GAS2L2: variants seen among roughly 807,000 people sequenced by gnomAD.
The protein encoded by GAS2L2 is GAS2-like protein 2.
Under a neutral mutation model 35.2 loss-of-function variants are expected in GAS2L2, and 21 were observed. The observed-to-expected ratio is 0.60, with a 90% CI of 0.42 to 0.86. The LOEUF is 0.86. Among genes scored for constraint, GAS2L2 ranks in the 40% least tolerant of loss-of-function variants. GAS2L2 has a pLI of 0.00. For missense variants in GAS2L2, 1,169 were observed against 1,144.4 expected, an observed-to-expected ratio of 1.02 and a Z score of -0.31; for synonymous variants, 490 against 473.2, an observed-to-expected ratio of 1.04 and a Z score of -0.46.
At position 35,752,954 on chromosome 17, in the gene GAS2L2, G is replaced by A; in HGVS notation, c.-104C>T. On this transcript the variant is annotated 5_prime_UTR_variant, in exon 1 of 6. Coordinates refer to ENST00000604641, the MANE Select transcript of GAS2L2 (RefSeq NM_139285.4). Reference sequence around the variant, plus strand: ...TCGGCTGGGTTCTTCCTGATTCTGAGGTTCCCGTGTACTCGCTGAGAGCCC... The same window carrying A: ...TCGGCTGGGTTCTTCCTGATTCTGAAGTTCCCGTGTACTCGCTGAGAGCCC... 7.8e-7 allele frequency: 1 copy of A among 1,288,130 alleles called. No individual in the cohort carries two copies. Among genetic ancestry groups the A allele is most frequent in the Non-Finnish European group, 1.0e-6 (1 of 955,144 alleles). 79.8% of individuals were successfully genotyped at this position (1,288,130 alleles called of 1,614,324 possible). A position where few individuals can be genotyped will look rare whatever the true frequency, so the allele number is the denominator to read the frequency against.
chr17:35,748,240 A>T (rs1458949625), intron 3 of GAS2L2, among the ~76,000 whole-genome samples: 1 of 152,172 alleles, frequency 6.6e-6, no homozygotes, highest in East Asian at 1.9e-4. Context: ...GCATCTGTAC[A>T]TGCCTGTACC....
chr17:35,748,134 C>A (rs1196531360), intron 3 of GAS2L2, among the ~76,000 whole-genome samples, 189 bp from the exon 4 acceptor site: 1 of 152,208 alleles, frequency 6.6e-6, no homozygotes, highest in African/African-American at 2.4e-5. Flanking sequence ...ATAACACATG[C>A]GGTCAAGGTG....
At position 35,747,070 on chromosome 17, in the gene GAS2L2, C is replaced by T. The variant is rs150792519; in HGVS notation, c.1031G>A (p.Arg344His). Residue 344 changes from arginine to histidine, a missense_variant, in exon 5 of 6, where the codon CGC becomes CAC. Arg to His is a conservative substitution (Grantham distance 29). Around this residue, in one of 3 missense-constraint regions of GAS2L2, gnomAD observed 1,035 missense variants for 976.5 expected, o/e 1.06. Coordinates refer to ENST00000604641, the MANE Select transcript of GAS2L2 (RefSeq NM_139285.4). ...CCCCGTCCCTGCTCCCCGTTCCCTG[C>T]GGGGTCTGGGGGAGGATGGGGTGGG... Reference protein sequence around the residue: ...RPPTPSSPRPRRERGAGTGAS... With the variant: ...RPPTPSSPRPHRERGAGTGAS... The T allele has an allele frequency of 2.7e-4, 437 of 1,609,060 alleles. 1 individual carries two copies. In the African/African-American group the frequency reaches 2.8e-3, roughly 10 times the overall value.
chr17:35,751,442 C>T (rs74712392), intron 1 of GAS2L2, among the ~76,000 whole-genome samples: 3,243 of 152,164 alleles, frequency 0.021, 73 homozygotes, highest in East Asian at 0.12. Context: ...CTAAGGCGGG[C>T]GGATCACTTT....
Position 35,745,570 on chromosome 17 carries a change from G to A in GAS2L2, c.1927C>T (p.Gln643Ter), listed in dbSNP as rs2085660338. 2 of 1,613,610 alleles carry A rather than the reference G, an allele frequency of 1.2e-6. No individual in the cohort carries two copies. The highest frequency in any genetic ancestry group is 1.7e-6 in the Non-Finnish European group (2 of 1,179,976). ...SGVYIPRLAG[Q>*]WPEPGGPYDK... The stretch of plus-strand genomic sequence containing the variant: ...TAAGGACCCCCAGGCTCAGGCCACT[G>A]CCCAGCCAGCCTGGGGATGTAGACC... The change falls in exon 6 of 6, where the codon CAG becomes TAG. Residue 643 changes from glutamine (Q) to a stop codon, truncating the protein, a stop_gained. Transcript: ENST00000604641. LOFTEE classifies it low-confidence loss of function (END_TRUNC).
chr17:35,746,541 T>C, intron 5 of GAS2L2, 130 bp from the exon 6 acceptor site: 1 of 501,878 alleles, frequency 2.0e-6, no homozygotes, highest in East Asian at 3.4e-5. Context: ...GACTTCACGC[T>C]GAATGAAACC....
chr17:35,752,416 A>AC, intron 1 of GAS2L2, 50 bp downstream of exon 1: 1 of 1,516,200 alleles, frequency 6.6e-7, no homozygotes. Flanking sequence ...AAGGACCAAT[A>AC]CCCCCCAAGA....
rs2085650378 is a variant in GAS2L2, at chr17:35,744,560, A to C, written c.*294T>G. 2.7e-6 allele frequency: 1 copy of C among 368,688 alleles called. No individual in the cohort carries two copies. Among genetic ancestry groups the C allele is most frequent in the Non-Finnish European group, 4.9e-6 (1 of 203,114 alleles). 22.8% of individuals were successfully genotyped at this position (368,688 alleles called of 1,614,324 possible). On this transcript the variant is annotated 3_prime_UTR_variant, in exon 6 of 6. Transcript: ENST00000604641. ...AATAACTTATGGGAGTTATGGAAAC[A>C]GGTGGGCATGGCCAGGGGCCAGAGG...
rs1555599115 is a variant in GAS2L2 at position 35,747,220 on chromosome 17, T to C, written c.881A>G (p.His294Arg). The change falls in exon 5 of 6, where the codon CAT becomes CGT. Residue 294 changes from histidine (H) to arginine (R), a missense_variant. Transcript: ENST00000604641. ...GGGTCCATCCTGTACCCTTACTTCA[T>C]GCTGCACTGGTGGGGCCGGGGGCTT... ...FLKPPAPPVQ[H>R]EVRVQDGPSQ... is the part of the protein sequence containing the mutation. The C allele has an allele frequency of 3.1e-6, 5 of 1,613,738 alleles. No homozygotes were observed. Among genetic ancestry groups the C allele is most frequent in the Non-Finnish European group, 4.2e-6 (5 of 1,179,884 alleles).
chr17:35,751,969 A>G (rs2085706707), intron 1 of GAS2L2, among the ~76,000 whole-genome samples: 1 of 144,408 alleles, frequency 6.9e-6, no homozygotes, highest in Admixed American at 7.4e-5. Flanking sequence ...CAATTCTCCT[A>G]TCTCAGCCTG....
intron 1 of GAS2L2, 44 bp downstream of exon 1, chr17:35,752,422 C>G: frequency 6.5e-7 from 1 of 1,526,764 alleles, no homozygotes; most frequent in Non-Finnish European, 8.8e-7. Context: ...CAATACCCCC[C>G]AAGATAAGCA....
In GAS2L2 at chr17:35,750,190, C is replaced by A. The variant is rs2085694798; in HGVS notation, c.514G>T (p.Glu172Ter). 3.7e-6 allele frequency: 6 copies of A among 1,613,404 alleles called. No homozygotes were observed. Among genetic ancestry groups the A allele is most frequent in the Non-Finnish European group, 4.2e-6 (5 of 1,179,674 alleles). ...CGCACCTCCTCCTCGATCTCCTCCT[C>A]CAGCTGCACGAGTGTGGGCGCCGCA... is the stretch of plus-strand genomic sequence containing the variant. ...GVAAPTLVQL[E>*]EEIEEEVRRE... Residue 172 changes from glutamate to a stop codon, truncating the protein, a stop_gained, in exon 2 of 6, where the codon GAG (glutamate) becomes TAG (stop). Transcript: ENST00000604641. LOFTEE classifies it high-confidence loss of function.
chr17:35,749,984 G>T (rs1020026089), intron 2 of GAS2L2, 93 bp downstream of exon 2: 10 of 1,152,036 alleles, frequency 8.7e-6, no homozygotes, highest in Middle Eastern at 2.8e-4. Flanking sequence ...GCTCAAGAAG[G>T]GGGTGGGTTA....
chr17:35,751,291 A>G (rs1444151261), intron 1 of GAS2L2, among the ~76,000 whole-genome samples: 1 of 151,940 alleles, frequency 6.6e-6, no homozygotes, highest in Non-Finnish European at 1.5e-5. Context: ...CTAGTCATTC[A>G]CACACCATGC....
chr17:35,747,869 G>C lies in GAS2L2; in HGVS notation c.812C>G (p.Pro271Arg). The part of the protein sequence containing the change: ...TLGHYLDKHD[P>R]CRCTSLSHKP... ...CTCACAGAGGGATGTGCAGCGGCAG[G>C]GGTCATGTTTGTCCAGGTAATGGCC... Residue 271 changes from proline (P) to arginine (R), a missense_variant, in exon 4 of 6, where the codon CCC (proline) becomes CGC (arginine). By Grantham distance (103) the Pro-to-Arg change is moderately radical. Coordinates refer to ENST00000604641, the MANE Select transcript of GAS2L2 (RefSeq NM_139285.4). 6.2e-7 allele frequency: 1 copy of C among 1,613,802 alleles called. No individual in the cohort carries two copies. The highest frequency in any genetic ancestry group is 8.5e-7 in the Non-Finnish European group (1 of 1,179,836).
intron 1 of GAS2L2, among the ~76,000 whole-genome samples, chr17:35,752,262 C>T (rs1160399295): frequency 1.3e-5 from 2 of 152,176 alleles, no homozygotes; most frequent in Non-Finnish European, 2.9e-5. Context: ...CATCAACAAA[C>T]ATTTATCAAT....
At chr17:35,750,482 G>A (rs972022454) in intron 1 of GAS2L2, among the ~76,000 whole-genome samples, 164 bp from the exon 2 acceptor site, 1 of 152,126 alleles carries the variant, frequency 6.6e-6, no homozygotes, top group East Asian at 1.9e-4. Flanking sequence ...GGTCAAGTCA[G>A]CCCCCTAGGA....
At position 35,745,236 on chromosome 17, in the gene GAS2L2, C is replaced by T. The variant is rs2085657151; in HGVS notation, c.2261G>A (p.Cys754Tyr). 6.2e-7 allele frequency: 1 copy of T among 1,605,388 alleles called. No individual in the cohort carries two copies. Among genetic ancestry groups the T allele is most frequent in the East Asian group, 2.2e-5 (1 of 44,712 alleles). ...GAGAGTTCTCCTGCCCTTGCTCAGA[C>T]ATGCCTTGGCTTTGTCAGAGTTGGG... is the stretch of plus-strand genomic sequence containing the variant. ...LDPNSDKAKA[C>Y]LSKGRRTLRK... Residue 754 changes from cysteine to tyrosine, a missense_variant, in exon 6 of 6, where the codon TGT becomes TAT. By Grantham distance (194) the Cys-to-Tyr change is radical. Around this residue, in one of 3 missense-constraint regions of GAS2L2, gnomAD observed 1,035 missense variants for 976.5 expected, o/e 1.06. Coordinates refer to ENST00000604641, the MANE Select transcript of GAS2L2 (RefSeq NM_139285.4).
chr17:35,746,733 A>G (rs1408122840), intron 5 of GAS2L2, among the ~76,000 whole-genome samples: 1 of 152,208 alleles, frequency 6.6e-6, no homozygotes, highest in Non-Finnish European at 1.5e-5. Context: ...ACAGAGGGGA[A>G]TGCACAGTCT....
Sources: allele counts gnomAD v4.1 joint callset (sites outside exome capture counted in the v4.1 genomes callset), GRCh38; gene constraint gnomAD v4.1.1; regional missense constraint gnomAD v4.1.1; transcripts MANE v1.5; gene names NCBI Gene and HGNC (gene_info 2026-07-23, HGNC 2026-07-21).